KCNH7: variants seen among roughly 807,000 people sequenced by gnomAD.
KCNH7 encodes potassium voltage-gated channel subfamily H member 7, also known as voltage-gated inwardly rectifying potassium channel KCNH7.
A neutral mutation model predicts 120.8 loss-of-function variants in KCNH7; 49 were observed. That is an observed-to-expected ratio of 0.41 (90% CI 0.32 to 0.51). KCNH7 has a LOEUF of 0.51. Ranked by LOEUF, KCNH7 falls within the 20% of genes least tolerant of loss-of-function variation. KCNH7 has a pLI of 0.38. For missense variants in KCNH7, 1,097 were observed against 1,446.6 expected (o/e 0.76, Z 3.92); for synonymous variants, 547 against 516.1 (o/e 1.06, Z -0.81).
At chr2:162,625,767 A>G (rs1683532602) in intron 2 of KCNH7, among the ~76,000 whole-genome samples, 2 of 152,110 alleles carry the variant, frequency 1.3e-5, no homozygotes. Context: ...GGAAAGGTAG[A>G]AGCTATAATA....
intron 2 of KCNH7, among the ~76,000 whole-genome samples, chr2:162,762,996 A>G (rs1200533833): frequency 2.0e-5 from 3 of 152,086 alleles, no homozygotes; most frequent in Non-Finnish European, 4.4e-5. Context: ...GTCATCTTGA[A>G]AGTATTTTAT....
intron 2 of KCNH7, among the ~76,000 whole-genome samples, chr2:162,665,730 T>C (rs1685110318): frequency 6.6e-6 from 1 of 152,190 alleles, no homozygotes; most frequent in African/African-American, 2.4e-5. Flanking sequence ...AATGATTTAA[T>C]AATCAGGTAT....
intron 2 of KCNH7, among the ~76,000 whole-genome samples, chr2:162,609,058 AAC>A (rs1439843038): frequency 6.6e-6 from 1 of 151,930 alleles, no homozygotes; most frequent in Admixed American, 6.6e-5. Context: ...CCAGCCCCCC[AAC>A]ACACACACAC....
chr2:162,534,480 A>G (rs1443452873), intron 3 of KCNH7, among the ~76,000 whole-genome samples: 1 of 151,612 alleles, frequency 6.6e-6, no homozygotes, highest in East Asian at 1.9e-4. Context: ...GCATAATTCT[A>G]TTAAAACAAA....
intron 6 of KCNH7, among the ~76,000 whole-genome samples, chr2:162,475,238 A>C (rs1689696524): frequency 6.6e-6 from 1 of 152,208 alleles, no homozygotes; most frequent in South Asian, 2.1e-4. Context: ...GCAGAATACT[A>C]CTTAAAAGAA....
intron 9 of KCNH7, among the ~76,000 whole-genome samples, chr2:162,402,926 G>A (rs993363171): frequency 6.6e-6 from 1 of 151,862 alleles, no homozygotes; most frequent in East Asian, 1.9e-4. Flanking sequence ...ATGAGCTATG[G>A]AATCAGACAG....
intron 2 of KCNH7, among the ~76,000 whole-genome samples, chr2:162,726,074 G>A (rs1240302557): frequency 1.3e-5 from 2 of 152,110 alleles, no homozygotes; most frequent in African/African-American, 4.8e-5. Flanking sequence ...TCCACTCATT[G>A]CATTTAGTAG....
At chr2:162,734,611 T>G (rs1687837354) in intron 2 of KCNH7, among the ~76,000 whole-genome samples, 1 of 152,130 alleles carries the variant, frequency 6.6e-6, no homozygotes, top group African/African-American at 2.4e-5. Flanking sequence ...ACTCCTTGCC[T>G]TAGGTACAGA....
intron 6 of KCNH7, among the ~76,000 whole-genome samples, chr2:162,464,636 T>G (rs1689251538): frequency 6.6e-6 from 1 of 152,062 alleles, no homozygotes. Flanking sequence ...TTTGTTTAAA[T>G]ACAGCTAAAA....
intron 6 of KCNH7, chr2:162,502,035 G>T (rs1469525282): frequency 6.6e-6 from 1 of 152,028 alleles, no homozygotes; most frequent in African/African-American, 2.4e-5. Flanking sequence ...TATGTGAAAA[G>T]GTAGAAAAGT....
chr2:162,665,918 T>G (rs1384881069), intron 2 of KCNH7, among the ~76,000 whole-genome samples: 1 of 152,194 alleles, frequency 6.6e-6, no homozygotes, highest in African/African-American at 2.4e-5. Flanking sequence ...ACAAATGTGA[T>G]AAGGTATGTG....
intron 2 of KCNH7, among the ~76,000 whole-genome samples, chr2:162,591,324 C>T (rs1694210190): frequency 6.6e-6 from 1 of 151,822 alleles, no homozygotes; most frequent in African/African-American, 2.4e-5. Flanking sequence ...ACATTTTTCT[C>T]CTCAGCGCTT....
intron 2 of KCNH7, among the ~76,000 whole-genome samples, chr2:162,774,949 C>A (rs530739041): frequency 2.0e-5 from 3 of 152,010 alleles, no homozygotes; most frequent in Non-Finnish European, 4.4e-5. Flanking sequence ...ACTTAATATT[C>A]TCTCATGGAT....
chr2:162,538,274 T>G (rs1270492909), intron 2 of KCNH7, among the ~76,000 whole-genome samples: 1 of 151,992 alleles, frequency 6.6e-6, no homozygotes, highest in Admixed American at 6.6e-5. Flanking sequence ...ATTAGTGTAT[T>G]TTATGTGTGG....
At chr2:162,730,764 G>A (rs1387947521) in intron 2 of KCNH7, among the ~76,000 whole-genome samples, 1 of 151,798 alleles carries the variant, frequency 6.6e-6, no homozygotes, top group Non-Finnish European at 1.5e-5. Context: ...CAATATCAGC[G>A]GGAAAAAGGA....
chr2:162,829,641 T>C (rs1274188348), intron 2 of KCNH7, among the ~76,000 whole-genome samples: 2 of 152,142 alleles, frequency 1.3e-5, no homozygotes, highest in Non-Finnish European at 2.9e-5. Flanking sequence ...TCACTAAATA[T>C]TTTTCTAGCT....
chr2:162,608,440 C>T (rs1682853200), intron 2 of KCNH7, among the ~76,000 whole-genome samples: 1 of 152,158 alleles, frequency 6.6e-6, no homozygotes, highest in Admixed American at 6.5e-5. Context: ...TACTCAGAAG[C>T]CATTTCTCTG....
At chr2:162,513,197 C>CCTCCCTCCCTCT (rs2105774317) in intron 4 of KCNH7, among the ~76,000 whole-genome samples, 1 of 114,298 alleles carries the variant, frequency 8.7e-6, no homozygotes, top group Admixed American at 8.7e-5. Flanking sequence ...TCCCTCCCTC[C>CCTCCCTCCCTCT]TTCCCTTCCT....
At chr2:162,814,396 T>C (rs10496430) in intron 2 of KCNH7, among the ~76,000 whole-genome samples, 8,329 of 152,308 alleles carry the variant, frequency 0.055, 307 homozygotes, top group South Asian at 0.11. Context: ...TTGTTTTCCA[T>C]GAGGCTTAAT....
Sources: gnomAD v4.1 joint callset for allele counts (sites outside exome capture counted in the v4.1 genomes callset) on GRCh38, gnomAD v4.1.1 for gene constraint, MANE v1.5 for transcripts, NCBI Gene and HGNC (gene_info 2026-07-23, HGNC 2026-07-21) for gene names.